PSMA5: variants seen among roughly 807,000 people sequenced by gnomAD.
PSMA5 encodes proteasome 20S subunit alpha 5, also known as proteasome subunit alpha type-5.
PSMA5 carries 3 observed loss-of-function variants against 34.5 expected under a neutral mutation model. The observed-to-expected ratio is 0.09, with a 90% confidence interval of 0.04 to 0.22. The LOEUF (loss-of-function observed/expected upper bound fraction) is 0.22. PSMA5 is among the 10% of genes least tolerant of loss of function. The pLI is 1.00. For missense variants in PSMA5, 120 were observed against 286.1 expected, an observed-to-expected ratio of 0.42 and a Z score of 4.19; for synonymous variants, 88 against 95.8, an observed-to-expected ratio of 0.92 and a Z score of 0.47.
At chr1:109,424,445 G>C (rs1287089449) in intron 1 of PSMA5, among the ~76,000 whole-genome samples, 2 of 152,006 alleles carry the variant, frequency 1.3e-5, no homozygotes, top group African/African-American at 4.8e-5. Context: ...CAAAGTGCTG[G>C]AATTACAGGC....
Position 109,421,906 on chromosome 1 carries a change from G to A in PSMA5, c.50C>T (p.Pro17Leu). 6.5e-7 allele frequency: 1 copy of A among 1,531,484 alleles called. No homozygotes were observed. The highest frequency in any genetic ancestry group is 8.7e-7 in the Non-Finnish European group (1 of 1,149,982). 94.9% of individuals were successfully genotyped at this position (1,531,484 alleles called of 1,614,324 possible). The change falls in exon 2 of 9, where the codon CCC becomes CTC. Residue 17 changes from proline to leucine, a missense_variant. Around this residue, in one of 3 missense-constraint regions of PSMA5, gnomAD observed 17 missense variants for 63.5 expected, o/e 0.27. Coordinates refer to ENST00000271308, the MANE Select transcript of PSMA5 (RefSeq NM_002790.4). ...TTCCACTTGAAATAATCTTCCTTCG[G>A]GAGAAAAAGTATTCACGCCCCTATA... Reference protein sequence around the residue: ...EYDRGVNTFSPEGRLFQVEYA... With the variant: ...EYDRGVNTFSLEGRLFQVEYA...
chr1:109,412,333 A>T, intron 4 of PSMA5, 149 bp from the exon 5 acceptor site: 1 of 608,752 alleles, frequency 1.6e-6, no homozygotes, highest in South Asian at 2.1e-5. Context: ...AGTACTTGGG[A>T]GTACATGAGA....
intron 8 of PSMA5, among the ~76,000 whole-genome samples, chr1:109,408,697 T>C (rs1653882274): frequency 6.7e-6 from 1 of 149,338 alleles, no homozygotes; most frequent in Non-Finnish European, 1.5e-5. Context: ...TCTTTCAGCT[T>C]TTTTTTTTTT....
chr1:109,421,341 CAGCCTGGTGGTACTG>C (rs1417362180), intron 2 of PSMA5, among the ~76,000 whole-genome samples: 1 of 151,460 alleles, frequency 6.6e-6, no homozygotes, highest in Non-Finnish European at 1.5e-5. Flanking sequence ...GGTTCGAGAC[CAGCCTGGTGGTACTG>C]GGAGGCTGAG....
chr1:109,412,400 C>G, intron 4 of PSMA5: 2 of 476,930 alleles, frequency 4.2e-6, no homozygotes, highest in Non-Finnish European at 3.8e-6. Context: ...CAACGACGGA[C>G]AAGAGAATTA....
chr1:109,410,625 A>G (rs977545435), intron 7 of PSMA5, among the ~76,000 whole-genome samples: 1 of 152,258 alleles, frequency 6.6e-6, no homozygotes, highest in African/African-American at 2.4e-5. Flanking sequence ...CTGTGAATAT[A>G]GAGGATAAAC....
At chr1:109,406,970 G>A (rs979678550) in intron 8 of PSMA5, among the ~76,000 whole-genome samples, 1 of 152,172 alleles carries the variant, frequency 6.6e-6, no homozygotes, top group Non-Finnish European at 1.5e-5. Context: ...AAAGAAAGAT[G>A]TAAGATGTAA....
chr1:109,400,511 A>G lies in PSMA5; in HGVS notation c.*1502T>C, dbSNP rs1285306838. The G allele has an allele frequency of 2.0e-5, 3 of 152,232 alleles. No individual in the cohort carries two copies. The East Asian group carries it at 5.8e-4, about 29-fold the overall frequency. The allele number at this position is 152,232 out of a possible 1,614,324, so 9.4% of individuals were successfully genotyped here. On this transcript the variant is annotated 3_prime_UTR_variant, in exon 9 of 9. Transcript: ENST00000271308. The stretch of plus-strand genomic sequence containing the variant: ...ATTTTCTATTAGGATTTAATAAAAC[A>G]AAGTGATCTTTAGAGAAACAAATCT...
chr1:109,426,232 C>T (rs1400795705), intron 1 of PSMA5, 70 bp downstream of exon 1: 4 of 1,593,836 alleles, frequency 2.5e-6, no homozygotes, highest in Non-Finnish European at 3.4e-6. Context: ...CGGCAGAACC[C>T]AGGCCGCGCG....
chr1:109,426,141 G>T, intron 1 of PSMA5, 161 bp downstream of exon 1: 1 of 901,858 alleles, frequency 1.1e-6, no homozygotes, highest in African/African-American at 1.6e-5. Context: ...GGTCTAGCTT[G>T]GGGAAGGACG....
In PSMA5 at chr1:109,401,877, C is replaced by A; in HGVS notation, c.*136G>T. The A allele has an allele frequency of 5.7e-6, 3 of 528,034 alleles. No individual in the cohort carries two copies. The highest frequency in any genetic ancestry group is 3.4e-5 in the East Asian group (1 of 29,200). 32.7% of individuals were successfully genotyped at this position (528,034 alleles called of 1,614,324 possible). A position where few individuals can be genotyped will look rare whatever the true frequency, so the allele number is the denominator to read the frequency against. ...TTTTAAAATTTTCTTTATTTCAGAACTGCCTTTATGTACAGACATCATTTA... is the reference window on the plus strand; with the variant it reads ...TTTTAAAATTTTCTTTATTTCAGAAATGCCTTTATGTACAGACATCATTTA... On this transcript the variant is annotated 3_prime_UTR_variant, in exon 9 of 9. Transcript: ENST00000271308.
intron 8 of PSMA5, among the ~76,000 whole-genome samples, chr1:109,406,823 G>A (rs1006776718): frequency 1.3e-5 from 2 of 151,994 alleles, no homozygotes; most frequent in Admixed American, 1.3e-4. Flanking sequence ...AGATACTGGG[G>A]GTTGTACATT....
At chr1:109,416,618 A>G (rs1416383397) in intron 2 of PSMA5, among the ~76,000 whole-genome samples, 2 of 152,254 alleles carry the variant, frequency 1.3e-5, no homozygotes, top group Non-Finnish European at 2.9e-5. Flanking sequence ...ATCTTTATGT[A>G]TAACTTGCTT....
At chr1:109,413,228 C>T (rs577241607) in intron 3 of PSMA5, 93 bp from the exon 4 acceptor site, 19 of 1,184,048 alleles carry the variant, frequency 1.6e-5, no homozygotes, top group Middle Eastern at 1.9e-4. Flanking sequence ...ATTGGAACCA[C>T]GGCAGCCATT....
rs753287799 is a variant in PSMA5, at chr1:109,426,382, G to A, written c.-52C>T. 2 of 1,606,854 alleles carry A rather than the reference G, an allele frequency of 1.2e-6. No homozygotes were observed. The highest frequency in any genetic ancestry group is 1.3e-5 in the African/African-American group (1 of 74,744). On this transcript the variant is annotated 5_prime_UTR_variant, in exon 1 of 9. Transcript: ENST00000271308. ...ACGCGGGGATTCTGAGGACCAACAC[G>A]ACTCCACCGGCACCCAACTCACCGG...
intron 3 of PSMA5, 95 bp from the exon 4 acceptor site, chr1:109,413,230 G>A: frequency 8.6e-7 from 1 of 1,165,584 alleles, no homozygotes; most frequent in South Asian, 1.2e-5. Context: ...TGGAACCACG[G>A]CAGCCATTCA....
chr1:109,424,930 T>C (rs1654593475), intron 1 of PSMA5, among the ~76,000 whole-genome samples: 2 of 152,062 alleles, frequency 1.3e-5, no homozygotes, highest in Admixed American at 6.6e-5. Context: ...GAGGTTGCAG[T>C]GAGCCGAGAT....
chr1:109,399,368 T>C lies in PSMA5; in HGVS notation c.*2645A>G, dbSNP rs985729664. On this transcript the variant is annotated 3_prime_UTR_variant, in exon 9 of 9. Coordinates refer to ENST00000271308, the MANE Select transcript of PSMA5 (RefSeq NM_002790.4). ...TTCCATAACTACTATCAGATTAATT[T>C]AAAAAAGATTATTTTTAAATCTATG... The C allele has an allele frequency of 6.6e-6, 1 of 152,012 alleles. No individual in the cohort carries two copies. The highest frequency in any genetic ancestry group is 6.5e-5 in the Admixed American group (1 of 15,274). 9.4% of individuals were successfully genotyped at this position (152,012 alleles called of 1,614,324 possible). A position where few individuals can be genotyped will look rare whatever the true frequency, so the allele number is the denominator to read the frequency against.
At chr1:109,412,256 C>A (rs1298425230) in intron 4 of PSMA5, 72 bp from the exon 5 acceptor site, 2 of 1,255,658 alleles carry the variant, frequency 1.6e-6, no homozygotes, top group African/African-American at 3.0e-5. Flanking sequence ...TCACTACGCA[C>A]ATCCCTTTAA....
Sources: allele counts gnomAD v4.1 joint callset (sites outside exome capture counted in the v4.1 genomes callset), GRCh38; gene constraint gnomAD v4.1.1; regional missense constraint gnomAD v4.1.1; transcripts MANE v1.5; gene names NCBI Gene and HGNC (gene_info 2026-07-23, HGNC 2026-07-21).